The following DLC1 variants were observed in gnomAD, a reference collection of about 807,000 sequenced individuals.
The protein encoded by DLC1 is DLC1 Rho GTPase activating protein, also known as rho GTPase-activating protein 7.
Under a neutral mutation model 140.3 loss-of-function variants are expected in DLC1, and 54 were observed. The ratio of observed to expected loss-of-function variants is 0.38; its 90% CI spans 0.31 to 0.48. DLC1 has a LOEUF of 0.48. DLC1 is among the 20% of genes least tolerant of loss of function. The pLI, the probability that DLC1 is intolerant of heterozygous loss-of-function variation, is 0.96. For missense variants in DLC1, 2,536 were observed against 1,907.0 expected (o/e 1.33, Z -6.14); for synonymous variants, 986 against 728.1 (o/e 1.35, Z -5.70).
chr8:13,319,476 G>GT (rs1586130061), intron 4 of DLC1, among the ~76,000 whole-genome samples: 1 of 126,486 alleles, frequency 7.9e-6, no homozygotes, highest in African/African-American at 3.0e-5. Flanking sequence ...TGGCGGGGCG[G>GT]GGGGGGGGGG....
At chr8:13,163,513 T>G (rs1824873692) in intron 5 of DLC1, among the ~76,000 whole-genome samples, 1 of 152,126 alleles carries the variant, frequency 6.6e-6, no homozygotes, top group African/African-American at 2.4e-5. Context: ...GAAGTGCCTG[T>G]GACAACACCA....
intron 1 of DLC1, among the ~76,000 whole-genome samples, chr8:13,599,295 G>A (rs988851665): frequency 1.4e-4 from 21 of 151,716 alleles, no homozygotes; most frequent in African/African-American, 4.6e-4. Context: ...TGTCAATAAT[G>A]AACATTTGGA....
chr8:13,188,072 C>G (rs1211227229), intron 5 of DLC1, among the ~76,000 whole-genome samples: 1 of 144,924 alleles, frequency 6.9e-6, no homozygotes, highest in East Asian at 2.1e-4. Context: ...GTCCATACAA[C>G]AGTGGCAATT....
intron 2 of DLC1, among the ~76,000 whole-genome samples, chr8:13,460,180 G>A (rs1469250564): frequency 6.6e-6 from 1 of 152,190 alleles, no homozygotes; most frequent in Non-Finnish European, 1.5e-5. Flanking sequence ...TGTATTGTCT[G>A]TATCATTTGG....
intron 5 of DLC1, among the ~76,000 whole-genome samples, chr8:13,202,137 G>T (rs1032386200): frequency 1.3e-5 from 2 of 151,800 alleles, no homozygotes; most frequent in Non-Finnish European, 2.9e-5. Flanking sequence ...ATAGAGAAGG[G>T]GTTTCACCAT....
chr8:13,455,491 C>T lies in DLC1; in HGVS notation c.1023+43558G>A, dbSNP rs891512484. ...CCTCTGCTCCAGACACACCTGCATC[C>T]CCAGCTTCCATCTCAAGCATCTCCT... On this transcript the variant is annotated intron_variant, in intron 2 of 17. Transcript: ENST00000276297. Among the ~76,000 whole-genome samples the T allele has an allele frequency of 1.1e-4, 16 of 152,186 alleles. No homozygotes were observed. The East Asian group carries it at 1.5e-3, about 15-fold the overall frequency.
chr8:13,141,123 C>A (rs929921116), intron 5 of DLC1, among the ~76,000 whole-genome samples: 2 of 151,840 alleles, frequency 1.3e-5, no homozygotes, highest in Admixed American at 6.6e-5. Flanking sequence ...GGCATGGTGG[C>A]GCATGCCTGT....
chr8:13,301,843 T>A (rs1253995381), intron 5 of DLC1, among the ~76,000 whole-genome samples: 3 of 152,154 alleles, frequency 2.0e-5, no homozygotes, highest in Non-Finnish European at 4.4e-5. Flanking sequence ...ATGTGAGGGT[T>A]CTAGGCAGTG....
At chr8:13,395,163 C>T (rs1320330171) in intron 3 of DLC1, among the ~76,000 whole-genome samples, 1 of 151,414 alleles carries the variant, frequency 6.6e-6, no homozygotes, top group Non-Finnish European at 1.5e-5. Flanking sequence ...CACCGTCGCC[C>T]CGGCTGGAGT....
intron 2 of DLC1, among the ~76,000 whole-genome samples, chr8:13,481,138 A>C (rs1446174243): frequency 2.0e-5 from 3 of 152,170 alleles, no homozygotes; most frequent in Non-Finnish European, 2.9e-5. Flanking sequence ...ATAAATCAAC[A>C]AATAGGCTGG....
chr8:13,436,736 G>A (rs1432397654), intron 2 of DLC1, among the ~76,000 whole-genome samples: 1 of 152,132 alleles, frequency 6.6e-6, no homozygotes, highest in Non-Finnish European at 1.5e-5. Context: ...AAAGATACTT[G>A]ATGCTGTAAT....
chr8:13,308,771 A>G (rs1050539744), intron 4 of DLC1, among the ~76,000 whole-genome samples: 3 of 152,204 alleles, frequency 2.0e-5, no homozygotes, highest in African/African-American at 7.2e-5. Context: ...AATATAGATC[A>G]TTAGAACTAT....
intron 1 of DLC1, among the ~76,000 whole-genome samples, chr8:13,587,526 A>G (rs1283647463): frequency 6.7e-6 from 1 of 149,498 alleles, no homozygotes; most frequent in African/African-American, 2.5e-5. Flanking sequence ...AAAGCTTTGA[A>G]CAGCACAAAT....
At chr8:13,479,000 C>T (rs1047555280) in intron 2 of DLC1, among the ~76,000 whole-genome samples, 2 of 152,184 alleles carry the variant, frequency 1.3e-5, no homozygotes, top group African/African-American at 2.4e-5. Context: ...ATCTTACTTT[C>T]CTTTCAGAAA....
intron 4 of DLC1, chr8:13,342,030 T>A (rs1834080658): frequency 6.6e-6 from 1 of 152,248 alleles, no homozygotes; most frequent in African/African-American, 2.4e-5. Flanking sequence ...ATCGAGAGGA[T>A]ACATTTGGCC....
At chr8:13,586,530 G>A (rs1457336648) in intron 1 of DLC1, among the ~76,000 whole-genome samples, 5 of 151,072 alleles carry the variant, frequency 3.3e-5, no homozygotes, top group South Asian at 2.1e-4. Context: ...GTAACTGAAT[G>A]AATTGAGTTT....
chr8:13,334,957 G>A (rs1246299496), intron 4 of DLC1, among the ~76,000 whole-genome samples: 1 of 152,184 alleles, frequency 6.6e-6, no homozygotes, highest in Non-Finnish European at 1.5e-5. Flanking sequence ...TGTTAAGGCT[G>A]TAATAAATGG....
At chr8:13,310,958 A>G (rs953060604) in intron 4 of DLC1, among the ~76,000 whole-genome samples, 8 of 152,326 alleles carry the variant, frequency 5.3e-5, no homozygotes, top group African/African-American at 1.9e-4. Context: ...TTACTTAATA[A>G]TTTAATAAAA....
rs76364830 is a variant in DLC1 at position 13,514,611 on chromosome 8, G to A, written c.-135C>T. 0.06 allele frequency: 23,997 copies of A among 398,506 alleles called. 880 individuals are homozygous for A. The highest frequency in any genetic ancestry group is 0.11 in the East Asian group (3,112 of 28,054). The allele number at this position is 398,506 out of a possible 1,614,324, so 24.7% of individuals were successfully genotyped here. On this transcript the variant is annotated 5_prime_UTR_variant, in exon 1 of 18. Transcript: ENST00000276297. ...GTCCATAGCGTCTTACCTAGACAAC[G>A]AGGAGCTGAAACGCCAAGGCATGAC... is the stretch of plus-strand genomic sequence containing the variant.
Sources: gnomAD v4.1 joint callset for allele counts (sites outside exome capture counted in the v4.1 genomes callset) on GRCh38, gnomAD v4.1.1 for gene constraint, MANE v1.5 for transcripts, NCBI Gene and HGNC (gene_info 2026-07-23, HGNC 2026-07-21) for gene names.